The following SP100 variants were observed in gnomAD, a reference collection of about 807,000 sequenced individuals.
SP100 encodes the protein SP100 nuclear body protein.
Under a neutral mutation model 130.0 loss-of-function variants are expected in SP100, and 84 were observed. That is an observed-to-expected ratio of 0.65 (90% CI 0.54 to 0.77). The LOEUF is 0.77. Ranked by LOEUF, SP100 falls within the 30% of genes least tolerant of loss-of-function variation. The pLI is 0.00. For synonymous variants in SP100, 331 were observed against 351.7 expected, an observed-to-expected ratio of 0.94 and a Z score of 0.66; for missense variants, 978 against 1,052.2, an observed-to-expected ratio of 0.93 and a Z score of 0.97.
intron 18 of SP100, among the ~76,000 whole-genome samples, chr2:230,494,664 G>T (rs1402609723): frequency 6.6e-6 from 1 of 152,208 alleles, no homozygotes; most frequent in East Asian, 1.9e-4. Flanking sequence ...TAAGAGCCCA[G>T]AAGTGGTAGG....
At chr2:230,478,516 G>C (rs1412044254) in intron 17 of SP100, among the ~76,000 whole-genome samples, 1 of 152,206 alleles carries the variant, frequency 6.6e-6, no homozygotes, top group Admixed American at 6.5e-5. Flanking sequence ...TTTTGCAAGA[G>C]AGTAAGACTG....
intron 6 of SP100, 39 bp downstream of exon 6, chr2:230,449,189 C>T: frequency 1.2e-6 from 2 of 1,609,506 alleles, no homozygotes; most frequent in Non-Finnish European, 1.7e-6. Flanking sequence ...CTCTGCTATT[C>T]TTGCCCCTTT....
chr2:230,468,165 C>A (rs927434303), intron 13 of SP100, among the ~76,000 whole-genome samples: 4 of 152,132 alleles, frequency 2.6e-5, no homozygotes, highest in Non-Finnish European at 4.4e-5. Context: ...TTTTTCTTTG[C>A]ACATCACATA....
At chr2:230,423,128 G>A (rs1015204571) in intron 2 of SP100, among the ~76,000 whole-genome samples, 2 of 152,196 alleles carry the variant, frequency 1.3e-5, no homozygotes, top group Admixed American at 1.3e-4. Context: ...ACTGATGTCT[G>A]TGTGTGTAGT....
intron 2 of SP100, among the ~76,000 whole-genome samples, chr2:230,433,620 A>G (rs770428577): frequency 1.2e-4 from 18 of 152,104 alleles, no homozygotes; most frequent in Non-Finnish European, 2.5e-4. Context: ...CTTTCAATCC[A>G]TGAACATTGG....
chr2:230,438,648 T>TATATACAC (rs1246055755), intron 2 of SP100, among the ~76,000 whole-genome samples: 14,978 of 127,186 alleles, frequency 0.12, 1,016 homozygotes, highest in Non-Finnish European at 0.16. Flanking sequence ...TGTATATATA[T>TATATACAC]ACACACACAC....
At chr2:230,443,526 A>T (rs897321278) in intron 3 of SP100, among the ~76,000 whole-genome samples, 1 of 152,252 alleles carries the variant, frequency 6.6e-6, no homozygotes, top group Admixed American at 6.5e-5. Flanking sequence ...TAAAATGCCT[A>T]GATCTGGGAA....
At chr2:230,439,084 T>C (rs1359620141) in intron 2 of SP100, among the ~76,000 whole-genome samples, 1 of 152,244 alleles carries the variant, frequency 6.6e-6, no homozygotes, top group Non-Finnish European at 1.5e-5. Context: ...GGTTTTGATT[T>C]GCATTTCCCT....
intron 24 of SP100, among the ~76,000 whole-genome samples, chr2:230,535,814 G>A (rs985228075): frequency 6.9e-6 from 1 of 145,068 alleles, no homozygotes; most frequent in Non-Finnish European, 1.5e-5. Context: ...GGCTGAGGCA[G>A]GAGGATCACT....
In SP100 at chr2:230,545,139, C is replaced by T. The variant is rs1678185; in HGVS notation, c.*2193C>T. 0.53 allele frequency among the ~76,000 whole-genome samples: 79,986 copies of T among 152,090 alleles called. 23,819 individuals are homozygous for T. Among genetic ancestry groups the T allele is most frequent in the Non-Finnish European group, 0.67 (45,661 of 67,992 alleles). On this transcript the variant is annotated 3_prime_UTR_variant, in exon 29 of 29. Coordinates refer to ENST00000340126, the MANE Select transcript of SP100 (RefSeq NM_001080391.2). ...CATAAAGACACATGCATGCAAATGT[C>T]CACTGCAGCACTATTCACAATAGCA...
rs1692263967 is a variant in SP100 at position 230,544,575 on chromosome 2, C to T, written c.*1629C>T. Among the ~76,000 whole-genome samples the T allele has an allele frequency of 6.6e-6, 1 of 152,116 alleles. No homozygotes were observed. On this transcript the variant is annotated 3_prime_UTR_variant, in exon 29 of 29. Coordinates refer to ENST00000340126, the MANE Select transcript of SP100 (RefSeq NM_001080391.2). ...TGATCTTGGCTCACCACAACCTCTG[C>T]CTCCCGGGTTCAAGCAATTCTCCTG... is the stretch of plus-strand genomic sequence containing the variant.
At chr2:230,474,331 C>A in intron 16 of SP100, 63 bp from the exon 17 acceptor site, 2 of 851,348 alleles carry the variant, frequency 2.3e-6, no homozygotes, top group South Asian at 2.9e-5. Context: ...TGTGAATTGT[C>A]ATAAGATTTA....
chr2:230,519,383 G>A (rs1265294351), intron 24 of SP100, among the ~76,000 whole-genome samples: 1 of 152,164 alleles, frequency 6.6e-6, no homozygotes, highest in Non-Finnish European at 1.5e-5. Flanking sequence ...AAAATTGTTG[G>A]TGATAATTGT....
chr2:230,445,009 C>A (rs543072782), intron 4 of SP100, among the ~76,000 whole-genome samples: 33 of 152,306 alleles, frequency 2.2e-4, no homozygotes, highest in Middle Eastern at 3.4e-3. Context: ...AGAAAGTTAA[C>A]CCTGGGTCAA....
intron 15 of SP100, among the ~76,000 whole-genome samples, chr2:230,471,423 A>T (rs1031052597): frequency 6.6e-6 from 1 of 152,160 alleles, no homozygotes; most frequent in African/African-American, 2.4e-5. Flanking sequence ...TCTATAGTCT[A>T]TTATTTCCTT....
Position 230,545,501 on chromosome 2 carries a change from G to C in SP100, c.*2555G>C, listed in dbSNP as rs573555548. Reference sequence around the variant, plus strand: ...ATGAAGTACTCTGTACAACAAACCCGTGACAAGAGTTTCCCTATATAACAA... The same window carrying C: ...ATGAAGTACTCTGTACAACAAACCCCTGACAAGAGTTTCCCTATATAACAA... On this transcript the variant is annotated 3_prime_UTR_variant, in exon 29 of 29. Coordinates refer to ENST00000340126, the MANE Select transcript of SP100 (RefSeq NM_001080391.2). 1.3e-5 allele frequency among the ~76,000 whole-genome samples: 2 copies of C among 152,190 alleles called. No homozygotes were observed. The highest frequency in any genetic ancestry group is 1.9e-4 in the East Asian group (1 of 5,178).
intron 2 of SP100, among the ~76,000 whole-genome samples, chr2:230,424,229 C>T (rs1232107464): frequency 6.6e-6 from 1 of 152,092 alleles, no homozygotes; most frequent in African/African-American, 2.4e-5. Flanking sequence ...AGTGAAAGTA[C>T]AGAAGATTGA....
At chr2:230,515,501 C>T in intron 24 of SP100, 1 of 1,611,996 alleles carries the variant, frequency 6.2e-7, no homozygotes, top group Non-Finnish European at 8.5e-7. Context: ...AAGGATATTG[C>T]TGCATATCGA....
In SP100 at chr2:230,467,184, C is replaced by T. The variant is rs151118307; in HGVS notation, c.1260C>T (p.Ser420=). 846 of 1,613,760 alleles carry T rather than the reference C, an allele frequency of 5.2e-4. 10 individuals carry two copies. The East Asian group carries it at 0.015, about 30-fold the overall frequency. Residue 420 remains serine, a synonymous_variant, in exon 13 of 29, where the codon AGC becomes AGT. Transcript: ENST00000340126. ...AGGAGGCGCCCGCAGAAGCCTCGAG[C>T]GGGGCACTGAGAAGCAAGCATGGTG... ...SEEEAPAEAS[S]GALRSKHGEK... is the part of the protein sequence containing the mutation.
Sources: gnomAD v4.1 joint callset for allele counts (sites outside exome capture counted in the v4.1 genomes callset) on GRCh38, gnomAD v4.1.1 for gene constraint, MANE v1.5 for transcripts, NCBI Gene and HGNC (gene_info 2026-07-23, HGNC 2026-07-21) for gene names.